NKD2: variants seen among roughly 807,000 people sequenced by gnomAD.
The protein encoded by NKD2 is NKD inhibitor of Wnt signaling pathway 2, also known as protein naked cuticle homolog 2.
A neutral mutation model predicts 34.8 loss-of-function variants in NKD2; 43 were observed. The ratio of observed to expected loss-of-function variants is 1.24; its 90% CI spans 0.97 to 1.60. NKD2 has a LOEUF of 1.60. Ranked by LOEUF, NKD2 falls within the 40% of genes most tolerant of loss-of-function variation. NKD2 has a pLI of 0.00. For synonymous variants in NKD2, 278 were observed against 265.1 expected (o/e 1.05, Z -0.47); for missense variants, 675 against 627.1 (o/e 1.08, Z -0.82).
chr5:1,015,395 G>A (rs995502094), intron 3 of NKD2, among the ~76,000 whole-genome samples: 1 of 152,180 alleles, frequency 6.6e-6, no homozygotes, highest in Non-Finnish European at 1.5e-5. Context: ...CACACTTTAC[G>A]GAAGCGGTAG....
rs757332765 is a variant in NKD2 at position 1,037,932 on chromosome 5, C to T, written c.915C>T (p.His305=). The T allele has an allele frequency of 2.7e-5, 43 of 1,607,340 alleles. No individual in the cohort carries two copies. Among genetic ancestry groups the T allele is most frequent in the East Asian group, 1.1e-4 (5 of 44,806 alleles). The change falls in exon 10 of 10, where the codon CAC becomes CAT. Residue 305 remains histidine (H), a synonymous_variant. Transcript: ENST00000296849. ...HHRRSQVLVE[H]VVPASEPAAR... ...GCAGGTCACAGGTGCTGGTGGAACACGTCGTGCCAGCCTCGGAGCCTGCTG... is the reference window on the plus strand; with the variant it reads ...GCAGGTCACAGGTGCTGGTGGAACATGTCGTGCCAGCCTCGGAGCCTGCTG...
At chr5:1,027,343 G>A (rs1212113400) in intron 3 of NKD2, among the ~76,000 whole-genome samples, 21 of 152,228 alleles carry the variant, frequency 1.4e-4, no homozygotes, top group Non-Finnish European at 1.5e-5. Flanking sequence ...CCTGTGTCAG[G>A]CGGTGTAGGA....
Position 1,037,963 on chromosome 5 carries a change from G to A in NKD2, c.946G>A (p.Ala316Thr). ...GCCAGCCTCGGAGCCTGCTGCCCGG[G>A]CCCTGGACACGCAGCCCCGGCCGAA... ...VVPASEPAAR[A>T]LDTQPRPKGP... Residue 316 changes from alanine (A) to threonine (T), a missense_variant, in exon 10 of 10, where the codon GCC (alanine) becomes ACC (threonine). Coordinates refer to ENST00000296849, the MANE Select transcript of NKD2 (RefSeq NM_033120.4). 1 of 1,605,744 alleles carries A rather than the reference G, an allele frequency of 6.2e-7. No individual in the cohort carries two copies. Among genetic ancestry groups the A allele is most frequent in the Non-Finnish European group, 8.5e-7 (1 of 1,177,960 alleles).
rs997691477 is a variant in NKD2 at position 1,009,001 on chromosome 5, G to C, written c.-57G>C. On this transcript the variant is annotated 5_prime_UTR_variant, in exon 1 of 10. Coordinates refer to ENST00000296849, the MANE Select transcript of NKD2 (RefSeq NM_033120.4). This position sits in a 1 kb window ranked among gnomAD's most constrained non-coding sequence, Gnocchi z 6.9. ...CGGCCCCCGCGGGCTCCCGGCCCCGGCTTCAGAACTCAGCCCTGCACCTGA... is the reference window on the plus strand; with the variant it reads ...CGGCCCCCGCGGGCTCCCGGCCCCGCCTTCAGAACTCAGCCCTGCACCTGA... The C allele has an allele frequency of 2.4e-6, 1 of 420,554 alleles. No homozygotes were observed. Among genetic ancestry groups the C allele is most frequent in the African/African-American group, 2.1e-5 (1 of 48,224 alleles). The allele number at this position is 420,554 out of a possible 1,614,324, so 26.1% of individuals were successfully genotyped here.
Position 1,009,638 on chromosome 5 carries a change from T to C in NKD2, c.141+78T>C. ...GGAGCGGTGTCAGAGCTGTTCCTGGTGCCCGCCCGCGGACAGGCGAGACGT... is the reference window on the plus strand; with the variant it reads ...GGAGCGGTGTCAGAGCTGTTCCTGGCGCCCGCCCGCGGACAGGCGAGACGT... On this transcript the variant is annotated intron_variant, in intron 3 of 9. Transcript: ENST00000296849. This position sits in a 1 kb window ranked among gnomAD's most constrained non-coding sequence, Gnocchi z 6.9. 8.3e-7 allele frequency: 1 copy of C among 1,203,140 alleles called. No homozygotes were observed. Among genetic ancestry groups the C allele is most frequent in the East Asian group, 3.2e-5 (1 of 31,636 alleles). 74.5% of individuals were successfully genotyped at this position (1,203,140 alleles called of 1,614,324 possible).
chr5:1,024,509 C>T (rs796583127), intron 3 of NKD2, among the ~76,000 whole-genome samples: 10 of 34,058 alleles, frequency 2.9e-4, no homozygotes, highest in African/African-American at 6.0e-4. Context: ...CTCTTCCCAC[C>T]CTCTGTGGGC....
Position 1,035,450 on chromosome 5 carries a change from C to G in NKD2, c.636C>G (p.Asp212Glu). 1 of 1,557,026 alleles carries G rather than the reference C, an allele frequency of 6.4e-7. No homozygotes were observed. Among genetic ancestry groups the G allele is most frequent in the African/African-American group, 1.4e-5 (1 of 73,478 alleles). ...TGGCAGAGGAGCCAAGGGTGGCTGACAGGAGGTTGTCTGCACACGTCAGGT... is the reference window on the plus strand; with the variant it reads ...TGGCAGAGGAGCCAAGGGTGGCTGAGAGGAGGTTGTCTGCACACGTCAGGT... ...GELAEEPRVADRRLSAHVRRP... is the reference protein window; with the variant it reads ...GELAEEPRVAERRLSAHVRRP... The change falls in exon 8 of 10, where the codon GAC (aspartate) becomes GAG (glutamate). Residue 212 changes from aspartate to glutamate, a missense_variant. Asp to Glu is a conservative substitution (Grantham distance 45). Transcript: ENST00000296849.
intron 3 of NKD2, among the ~76,000 whole-genome samples, chr5:1,018,148 C>T (rs1756033587): frequency 6.6e-6 from 1 of 152,182 alleles, no homozygotes; most frequent in Admixed American, 6.5e-5. Flanking sequence ...GCGGCCCCCA[C>T]CCATCTCCCT....
intron 3 of NKD2, among the ~76,000 whole-genome samples, chr5:1,018,523 G>A (rs1051292688): frequency 6.6e-6 from 1 of 152,192 alleles, no homozygotes; most frequent in African/African-American, 2.4e-5. Context: ...AGGTGGCAGC[G>A]GGCTCACGTG....
intron 3 of NKD2, among the ~76,000 whole-genome samples, chr5:1,021,024 G>A (rs1244182420): frequency 6.6e-6 from 1 of 151,734 alleles, no homozygotes; most frequent in East Asian, 1.9e-4. Flanking sequence ...AAAAGCTGCT[G>A]TGAGGCAGGA....
intron 3 of NKD2, among the ~76,000 whole-genome samples, chr5:1,013,847 T>G (rs2150726442): frequency 6.6e-6 from 1 of 152,312 alleles, no homozygotes; most frequent in African/African-American, 2.4e-5. Flanking sequence ...AGTGCAGATG[T>G]GCATTCTCAG....
intron 3 of NKD2, among the ~76,000 whole-genome samples, chr5:1,017,839 C>T (rs1401599836): frequency 6.6e-6 from 1 of 151,764 alleles, no homozygotes; most frequent in Non-Finnish European, 1.5e-5. Context: ...AGATGCTGGG[C>T]TGGAGTGTGG....
Position 1,038,472 on chromosome 5 carries a change from G to GCCCCCCCCC in NKD2, c.*104_*105insCCCCCCCCC, listed in dbSNP as rs1734137659. 1 of 1,531,502 alleles carries GCCCCCCCCC rather than the reference G, an allele frequency of 6.5e-7. No homozygotes were observed. Among genetic ancestry groups the GCCCCCCCCC allele is most frequent in the African/African-American group, 1.4e-5 (1 of 71,660 alleles). The allele number at this position is 1,531,502 out of a possible 1,614,324, so 94.9% of individuals were successfully genotyped here. The stretch of plus-strand genomic sequence containing the variant: ...CGGCTGTGTGCCCATGGGGAGCCCA[G>GCCCCCCCCC]CCCCCACCCCCCACCTCCGACAGCA... On this transcript the variant is annotated 3_prime_UTR_variant, in exon 10 of 10. Coordinates refer to ENST00000296849, the MANE Select transcript of NKD2 (RefSeq NM_033120.4). The surrounding 1 kb of genome is among the most constrained non-coding windows in gnomAD (Gnocchi z 4.5).
intron 3 of NKD2, among the ~76,000 whole-genome samples, chr5:1,028,052 G>A (rs914919515): frequency 3.3e-5 from 5 of 152,314 alleles, no homozygotes; most frequent in Admixed American, 1.3e-4. Context: ...AGGAAGCTGG[G>A]GGTTGAGGTT....
At position 1,038,619 on chromosome 5, in the gene NKD2, C is replaced by T. The variant is rs750770030; in HGVS notation, c.*246C>T. 4 of 744,418 alleles carry T rather than the reference C, an allele frequency of 5.4e-6. No individual in the cohort carries two copies. The highest frequency in any genetic ancestry group is 9.1e-6 in the Non-Finnish European group (4 of 439,468). The allele number at this position is 744,418 out of a possible 1,614,324, so 46.1% of individuals were successfully genotyped here. On this transcript the variant is annotated 3_prime_UTR_variant, in exon 10 of 10. Coordinates refer to ENST00000296849, the MANE Select transcript of NKD2 (RefSeq NM_033120.4). The surrounding 1 kb of genome is among the most constrained non-coding windows in gnomAD (Gnocchi z 4.5). Reference sequence around the variant, plus strand: ...CACATGGCGGTGAACACATCTGAAGCCACTATGTTTCCTGGCTCTAAGGCT... The same window carrying T: ...CACATGGCGGTGAACACATCTGAAGTCACTATGTTTCCTGGCTCTAAGGCT...
chr5:1,010,200 T>G (rs867904353), intron 3 of NKD2, among the ~76,000 whole-genome samples: 4 of 149,284 alleles, frequency 2.7e-5, no homozygotes, highest in African/African-American at 9.8e-5. Flanking sequence ...AGCAGAGAAC[T>G]GTCCAGGTCT....
chr5:1,031,322 C>T (rs1756637104), intron 3 of NKD2, among the ~76,000 whole-genome samples: 1 of 152,170 alleles, frequency 6.6e-6, no homozygotes, highest in Non-Finnish European at 1.5e-5. Context: ...AACTCGGCAC[C>T]AAAGTCATCT....
rs761128259 is a variant in NKD2, at chr5:1,037,572, C to G, written c.788-233C>G. ...CCGCTCCCAGGACACACAGTGGGGA[C>G]AAGGCTAGAGGAGTCGGCCTTTGCA... On this transcript the variant is annotated intron_variant, in intron 9 of 9. Coordinates refer to ENST00000296849, the MANE Select transcript of NKD2 (RefSeq NM_033120.4). The G allele has an allele frequency of 5.0e-4, 768 of 1,535,726 alleles. 1 individual carries two copies. The highest frequency in any genetic ancestry group is 6.1e-4 in the Non-Finnish European group (704 of 1,146,794).
intron 3 of NKD2, among the ~76,000 whole-genome samples, chr5:1,021,790 C>T (rs1294623150): frequency 6.6e-6 from 1 of 152,094 alleles, no homozygotes; most frequent in African/African-American, 2.4e-5. Flanking sequence ...AGGTTCCCCC[C>T]TCCCATGGTG....
Sources: allele counts gnomAD v4.1 joint callset (sites outside exome capture counted in the v4.1 genomes callset), GRCh38; gene constraint gnomAD v4.1.1; non-coding constraint Gnocchi (gnomAD v3.1); transcripts MANE v1.5; gene names NCBI Gene and HGNC (gene_info 2026-07-23, HGNC 2026-07-21).